DOCK1: variants seen among roughly 807,000 people sequenced by gnomAD.
The protein encoded by DOCK1 is dedicator of cytokinesis protein 1.
A neutral mutation model predicts 262.7 loss-of-function variants in DOCK1; 138 were observed. The observed-to-expected ratio is 0.53, with a 90% CI of 0.46 to 0.61. The LOEUF is 0.61. Ranked by LOEUF, DOCK1 falls within the 20% of genes least tolerant of loss-of-function variation. The probability of loss-of-function intolerance (pLI) is 0.00; values close to 1 mark genes in which losing one functional copy is unlikely to be tolerated. For synonymous variants in DOCK1, 866 were observed against 867.4 expected (o/e 1.00, Z 0.03); for missense variants, 1,908 against 2,370.7 (o/e 0.80, Z 4.05).
intron 27 of DOCK1, among the ~76,000 whole-genome samples, chr10:127,232,409 AT>A (rs781165642): frequency 1.3e-5 from 2 of 152,258 alleles, no homozygotes; most frequent in South Asian, 2.1e-4. Context: ...GGCTGGAGCA[AT>A]GTGAGCAACA....
chr10:127,439,002 A>G (rs2069886146), intron 48 of DOCK1, 25 bp from the exon 49 acceptor site: 1 of 1,538,684 alleles, frequency 6.5e-7, no homozygotes. Context: ...CTCTCCTATT[A>G]AGACGTCATT....
intron 33 of DOCK1, among the ~76,000 whole-genome samples, chr10:127,372,971 G>T (rs544581012): frequency 2.8e-4 from 43 of 152,192 alleles, no homozygotes; most frequent in Non-Finnish European, 5.1e-4. Flanking sequence ...TACTCAGATG[G>T]CTATGAACTC....
chr10:127,031,543 T>C (rs1246629608), intron 16 of DOCK1, 107 bp from the exon 17 acceptor site: 3 of 839,402 alleles, frequency 3.6e-6, no homozygotes, highest in Non-Finnish European at 5.5e-6. Flanking sequence ...CCTGTTTGTA[T>C]AATTTTGTAA....
chr10:127,322,322 TG>T, intron 29 of DOCK1, among the ~76,000 whole-genome samples: 2 of 150,816 alleles, frequency 1.3e-5, no homozygotes, highest in Middle Eastern at 3.4e-3. Flanking sequence ...CCTAAGTAGC[TG>T]GGATTACAAG....
chr10:127,175,976 G>T lies in DOCK1; in HGVS notation c.2847+48212G>T, dbSNP rs77083569. On this transcript the variant is annotated intron_variant, in intron 27 of 51. Coordinates refer to ENST00000623213, the MANE Select transcript of DOCK1 (RefSeq NM_001290223.2). The surrounding 1 kb of genome is among the most constrained non-coding windows in gnomAD (Gnocchi z 6.3). Reference sequence around the variant, plus strand: ...CTTTCGCATCTGTTAGAAACCCATTGTTTTGGCTTTTAAAGGGATCTGCAG... The same window carrying T: ...CTTTCGCATCTGTTAGAAACCCATTTTTTTGGCTTTTAAAGGGATCTGCAG... The T allele has an allele frequency of 2.2e-3, 3,532 of 1,614,174 alleles. 52 individuals are homozygous for T. In the African/African-American group the frequency reaches 0.035, roughly 16 times the overall value.
chr10:127,061,104 T>A (rs1299167383), intron 22 of DOCK1, among the ~76,000 whole-genome samples: 1 of 152,180 alleles, frequency 6.6e-6, no homozygotes, highest in Non-Finnish European at 1.5e-5. Context: ...GGTGGCCACC[T>A]GTAATCCCAC....
rs562451889 is a variant in DOCK1 at position 127,100,571 on chromosome 10, G to T, written c.2446-5660G>T. Among the ~76,000 whole-genome samples, 121 of 152,204 alleles carry T rather than the reference G, an allele frequency of 7.9e-4. No homozygotes were observed. Among genetic ancestry groups the T allele is most frequent in the African/African-American group, 2.8e-3 (115 of 41,542 alleles). The stretch of plus-strand genomic sequence containing the variant: ...GGAGCCCTGGAGATGGATCAGAATT[G>T]GGAGTCATTGGCATGGCAGGAGGTG... On this transcript the variant is annotated intron_variant, in intron 23 of 51. Transcript: ENST00000623213. This position sits in a 1 kb window ranked among gnomAD's most constrained non-coding sequence, Gnocchi z 5.5.
chr10:127,280,288 C>A (rs1259520794), intron 29 of DOCK1, among the ~76,000 whole-genome samples: 1 of 152,054 alleles, frequency 6.6e-6, no homozygotes, highest in African/African-American at 2.4e-5. Context: ...CCCGCCTCGG[C>A]CTCCCAAAGT....
intron 29 of DOCK1, among the ~76,000 whole-genome samples, chr10:127,322,663 A>C (rs1467644965): frequency 6.6e-6 from 1 of 152,250 alleles, no homozygotes; most frequent in Non-Finnish European, 1.5e-5. Flanking sequence ...TGAAAATTAT[A>C]TGAATTTAAA....
Position 127,404,375 on chromosome 10 carries a change from G to A in DOCK1, c.4068G>A (p.Lys1356=), listed in dbSNP as rs745390687. 19 of 1,613,830 alleles carry A rather than the reference G, an allele frequency of 1.2e-5. No homozygotes were observed. The highest frequency in any genetic ancestry group is 4.0e-5 in the African/African-American group (3 of 74,920). ...YENIVKVIRP[K]PDYFAVGYYG... is the part of the protein sequence containing the mutation. ...ACATCGTCAAAGTGATCAGGCCCAA[G>A]CCTGACTATTTTGCTGTTGGCTACT... is the stretch of plus-strand genomic sequence containing the variant. Residue 1356 remains lysine, a synonymous_variant, in exon 40 of 52, where the codon AAG becomes AAA. Coordinates refer to ENST00000623213, the MANE Select transcript of DOCK1 (RefSeq NM_001290223.2).
In DOCK1 at chr10:127,392,799, A is replaced by C. The variant is rs183966647; in HGVS notation, c.3927+7890A>C. Among the ~76,000 whole-genome samples the C allele has an allele frequency of 1.5e-3, 233 of 152,222 alleles. 1 individual carries two copies. Among genetic ancestry groups the C allele is most frequent in the African/African-American group, 5.4e-3 (225 of 41,548 alleles). The stretch of plus-strand genomic sequence containing the variant: ...CCCACCCCACTCTGCCACGTGCCGC[A>C]TCACAGTTGGGTTTTGTCAGTGTGC... On this transcript the variant is annotated intron_variant, in intron 38 of 51. Coordinates refer to ENST00000623213, the MANE Select transcript of DOCK1 (RefSeq NM_001290223.2).
At chr10:127,260,043 G>A (rs567059938) in intron 29 of DOCK1, among the ~76,000 whole-genome samples, 1 of 152,258 alleles carries the variant, frequency 6.6e-6, no homozygotes, top group Non-Finnish European at 1.5e-5. Context: ...TGTTTCTGGG[G>A]TGAGCAGGTG....
At chr10:127,339,351 G>C (rs78067813) in intron 30 of DOCK1, among the ~76,000 whole-genome samples, 1 of 152,142 alleles carries the variant, frequency 6.6e-6, no homozygotes, top group Admixed American at 6.5e-5. Context: ...GACTCTTCAA[G>C]CAGGGAGGCC....
intron 1 of DOCK1, among the ~76,000 whole-genome samples, chr10:126,944,641 A>C (rs2035259742): frequency 6.6e-6 from 1 of 152,082 alleles, no homozygotes; most frequent in African/African-American, 2.4e-5. Context: ...ACTGGGAAGG[A>C]AAAGAAGGAA....
At chr10:126,906,017 C>G (rs1025036748) in intron 1 of DOCK1, among the ~76,000 whole-genome samples, 6 of 152,214 alleles carry the variant, frequency 3.9e-5, no homozygotes, top group Admixed American at 3.3e-4. Context: ...TCTGGGTGGG[C>G]GGGCTCAGGT....
chr10:127,404,266 C>T, intron 39 of DOCK1, 59 bp from the exon 40 acceptor site: 1 of 1,446,338 alleles, frequency 6.9e-7, no homozygotes, highest in South Asian at 1.2e-5. Flanking sequence ...CAAGAAGAAT[C>T]CAGAGGCACA....
chr10:127,362,032 T>A (rs2064487234), intron 32 of DOCK1, 32 bp from the exon 33 acceptor site: 21 of 1,571,898 alleles, frequency 1.3e-5, no homozygotes, highest in Non-Finnish European at 1.8e-5. Flanking sequence ...TATTTTTCTT[T>A]ATTTCTGAAT....
intron 27 of DOCK1, among the ~76,000 whole-genome samples, chr10:127,210,315 C>T (rs563983404): frequency 1.3e-5 from 2 of 152,262 alleles, no homozygotes; most frequent in South Asian, 2.1e-4. Flanking sequence ...CTGCTTGTCT[C>T]GGCAAATGAC....
chr10:127,056,372 T>C (rs975842209), intron 22 of DOCK1, among the ~76,000 whole-genome samples: 3 of 152,158 alleles, frequency 2.0e-5, no homozygotes, highest in Non-Finnish European at 2.9e-5. Flanking sequence ...GCCTGGCTAA[T>C]TTTTTGTAGG....
Sources: gnomAD v4.1 joint callset for allele counts (sites outside exome capture counted in the v4.1 genomes callset) on GRCh38, gnomAD v4.1.1 for gene constraint, Gnocchi (gnomAD v3.1) non-coding constraint, MANE v1.5 for transcripts, NCBI Gene and HGNC (gene_info 2026-07-23, HGNC 2026-07-21) for gene names.